The following PLCB1 variants were observed in gnomAD, a reference collection of about 807,000 sequenced individuals.
PLCB1 encodes the protein phospholipase C beta 1.
Under a neutral mutation model 161.8 loss-of-function variants are expected in PLCB1, and 46 were observed. That is an observed-to-expected ratio of 0.28 (90% confidence interval 0.22 to 0.36). The LOEUF (loss-of-function observed/expected upper bound fraction) is 0.36. Ranked by LOEUF, PLCB1 falls within the 10% of genes least tolerant of loss-of-function variation. The pLI is 1.00. For missense variants in PLCB1, 1,016 were observed against 1,472.5 expected (o/e 0.69, Z 5.07); for synonymous variants, 517 against 503.7 (o/e 1.03, Z -0.35).
chr20:8,252,573 A>C (rs1981205616), intron 2 of PLCB1, among the ~76,000 whole-genome samples: 1 of 152,042 alleles, frequency 6.6e-6, no homozygotes, highest in South Asian at 2.1e-4. Flanking sequence ...GAAAATTTCC[A>C]TTTTATTAAA....
chr20:8,397,615 T>C (rs1987805706), intron 3 of PLCB1, among the ~76,000 whole-genome samples: 1 of 152,080 alleles, frequency 6.6e-6, no homozygotes, highest in Non-Finnish European at 1.5e-5. Context: ...TCCTCTCATC[T>C]CATTTAATAA....
chr20:8,373,074 G>GT (rs1986954744), intron 3 of PLCB1, among the ~76,000 whole-genome samples: 1 of 152,168 alleles, frequency 6.6e-6, no homozygotes, highest in Non-Finnish European at 1.5e-5. Context: ...ATGAACAGCA[G>GT]TAGGGCCTGT....
At chr20:8,776,466 G>T (rs1800308228) in intron 27 of PLCB1, among the ~76,000 whole-genome samples, 1 of 152,124 alleles carries the variant, frequency 6.6e-6, no homozygotes, top group Admixed American at 6.5e-5. Flanking sequence ...AGAGCACACA[G>T]CAAACTTCTT....
intron 2 of PLCB1, among the ~76,000 whole-genome samples, chr20:8,355,650 A>G (rs1361946545): frequency 6.6e-6 from 1 of 152,172 alleles, no homozygotes; most frequent in Non-Finnish European, 1.5e-5. Flanking sequence ...GGCAAAGTGC[A>G]AAGTTTGGTG....
At chr20:8,307,553 T>G (rs1049605476) in intron 2 of PLCB1, among the ~76,000 whole-genome samples, 17 of 151,994 alleles carry the variant, frequency 1.1e-4, no homozygotes, top group African/African-American at 3.9e-4. Context: ...TTTTTGAGGG[T>G]TTTTGGTGGG....
intron 7 of PLCB1, chr20:8,652,451 A>G (rs1295418467): frequency 1.3e-5 from 2 of 152,132 alleles, no homozygotes; most frequent in African/African-American, 4.8e-5. Context: ...ACTGACTATG[A>G]TGTATCAAAA....
intron 2 of PLCB1, among the ~76,000 whole-genome samples, chr20:8,290,924 A>C (rs1441726298): frequency 2.0e-5 from 3 of 152,106 alleles, no homozygotes; most frequent in East Asian, 3.9e-4. Flanking sequence ...TATAAGTTAC[A>C]ACTATTGACA....
At chr20:8,340,468 G>T (rs1209464835) in intron 2 of PLCB1, among the ~76,000 whole-genome samples, 1 of 152,126 alleles carries the variant, frequency 6.6e-6, no homozygotes, top group African/African-American at 2.4e-5. Flanking sequence ...TGTCGCCCAG[G>T]CTGGAGTGCA....
intron 2 of PLCB1, among the ~76,000 whole-genome samples, chr20:8,281,185 A>G (rs1231853028): frequency 4.6e-5 from 7 of 152,330 alleles, no homozygotes; most frequent in Admixed American, 2.0e-4. Flanking sequence ...ACTCAAAACA[A>G]TGTCATGTTG....
intron 2 of PLCB1, among the ~76,000 whole-genome samples, chr20:8,363,157 A>G (rs971617935): frequency 1.3e-5 from 2 of 152,178 alleles, no homozygotes; most frequent in African/African-American, 4.8e-5. Flanking sequence ...CTTGGAAACA[A>G]TGGGGTTAGT....
intron 9 of PLCB1, among the ~76,000 whole-genome samples, chr20:8,665,601 CT>C (rs577586285): frequency 7.6e-4 from 115 of 152,006 alleles, no homozygotes; most frequent in African/African-American, 2.7e-3. Flanking sequence ...TTTTCTATAC[CT>C]TTTTATTAAA....
intron 31 of PLCB1, chr20:8,802,414 A>C: frequency 4.7e-6 from 2 of 427,320 alleles, no homozygotes; most frequent in East Asian, 7.6e-5. Flanking sequence ...ATTCTTCCAT[A>C]TTGTCTTCTT....
At chr20:8,820,999 A>C (rs182378291) in intron 31 of PLCB1, among the ~76,000 whole-genome samples, 86 of 152,230 alleles carry the variant, frequency 5.6e-4, no homozygotes, top group African/African-American at 2.0e-3. Context: ...AAAACCAAAA[A>C]ATTCAAGACT....
intron 3 of PLCB1, among the ~76,000 whole-genome samples, chr20:8,443,822 A>G (rs1600404541): frequency 6.6e-6 from 1 of 152,118 alleles, no homozygotes; most frequent in Non-Finnish European, 1.5e-5. Context: ...ACCAGTTACA[A>G]TAATTCTATT....
intron 15 of PLCB1, 67 bp from the exon 16 acceptor site, chr20:8,724,589 C>T (rs1271850523): frequency 1.1e-6 from 1 of 911,722 alleles, no homozygotes; most frequent in Non-Finnish European, 1.8e-6. Flanking sequence ...TTGTCATTTT[C>T]CTGGGAAAAT....
At chr20:8,510,099 G>T (rs1983818011) in intron 3 of PLCB1, among the ~76,000 whole-genome samples, 1 of 152,162 alleles carries the variant, frequency 6.6e-6, no homozygotes, top group South Asian at 2.1e-4. Context: ...TTTTGTAGGT[G>T]ATAAGGGACA....
intron 10 of PLCB1, among the ~76,000 whole-genome samples, chr20:8,691,159 A>T (rs904253975): frequency 6.6e-6 from 1 of 152,166 alleles, no homozygotes; most frequent in Non-Finnish European, 1.5e-5. Flanking sequence ...AGATGAAACT[A>T]ATGTAGAAGT....
intron 11 of PLCB1, among the ~76,000 whole-genome samples, chr20:8,700,114 T>G (rs1330364415): frequency 6.6e-6 from 1 of 152,156 alleles, no homozygotes; most frequent in African/African-American, 2.4e-5. Flanking sequence ...CCAGTGCAGC[T>G]TGGGCTCATC....
rs941049215 is a variant in PLCB1 at position 8,794,044 on chromosome 20, G to A, written c.3423+3783G>A. The stretch of plus-strand genomic sequence containing the variant: ...AGAGAAATATGGCTCTGTTCTGCCC[G>A]GCTCACCAGCGGTCAGAGTTTAAGG... On this transcript the variant is annotated intron_variant, in intron 31 of 31. Transcript: ENST00000338037. 5.9e-5 allele frequency among the ~76,000 whole-genome samples: 9 copies of A among 152,304 alleles called. 1 individual carries two copies. The highest frequency in any genetic ancestry group is 1.2e-4 in the African/African-American group (5 of 41,568).
Sources: allele counts gnomAD v4.1 joint callset (sites outside exome capture counted in the v4.1 genomes callset), GRCh38; gene constraint gnomAD v4.1.1; transcripts MANE v1.5; gene names NCBI Gene and HGNC (gene_info 2026-07-23, HGNC 2026-07-21).